Variants in CCDC7 observed in about 807,000 individuals in gnomAD.
CCDC7 encodes the protein coiled-coil domain containing 7, also known as coiled-coil domain-containing protein 7.
In CCDC7, 183 loss-of-function variants were observed where a neutral mutation model predicts 196.9. The observed-to-expected ratio is 0.93, with a 90% CI of 0.82 to 1.05. CCDC7 has a LOEUF of 1.05. CCDC7 is among the 50% of genes least tolerant of loss of function. The pLI, the probability that CCDC7 is intolerant of heterozygous loss-of-function variation, is 0.00. For synonymous variants in CCDC7, 525 were observed against 484.6 expected, an observed-to-expected ratio of 1.08 and a Z score of -1.10; for missense variants, 1,540 against 1,482.2, an observed-to-expected ratio of 1.04 and a Z score of -0.64.
At chr10:32,517,047 C>T (rs1426789242) in intron 9 of CCDC7, among the ~76,000 whole-genome samples, 4 of 152,128 alleles carry the variant, frequency 2.6e-5, no homozygotes, top group Non-Finnish European at 5.9e-5. Context: ...GGAACAATGT[C>T]ACCAAACTGT....
intron 13 of CCDC7, among the ~76,000 whole-genome samples, chr10:32,564,446 A>G (rs1347854561): frequency 6.6e-6 from 1 of 152,264 alleles, no homozygotes; most frequent in Non-Finnish European, 1.5e-5. Flanking sequence ...TGTTGCACAT[A>G]TACACCATGG....
chr10:32,676,799 G>GA (rs1465922691), intron 21 of CCDC7, among the ~76,000 whole-genome samples: 3 of 152,164 alleles, frequency 2.0e-5, no homozygotes, highest in Non-Finnish European at 2.9e-5. Flanking sequence ...ACCCATTGTG[G>GA]AAGGCAGTGT....
chr10:32,751,611 T>A (rs551155207), intron 28 of CCDC7, among the ~76,000 whole-genome samples: 2 of 152,172 alleles, frequency 1.3e-5, no homozygotes, highest in South Asian at 4.1e-4. Flanking sequence ...GGCTTTCATT[T>A]TAAAGCATAT....
intron 28 of CCDC7, among the ~76,000 whole-genome samples, chr10:32,773,225 G>A (rs1285086237): frequency 1.3e-5 from 2 of 152,140 alleles, no homozygotes; most frequent in African/African-American, 4.8e-5. Flanking sequence ...CCATGTTTGG[G>A]ATAATTTCAG....
chr10:32,700,798 TTTTA>T (rs1358979640), intron 24 of CCDC7, among the ~76,000 whole-genome samples: 1 of 152,200 alleles, frequency 6.6e-6, no homozygotes, highest in African/African-American at 2.4e-5. Flanking sequence ...TTCCTAGGTA[TTTTA>T]TTTTCTTTGA....
chr10:32,853,047 T>C (rs1593461666), intron 40 of CCDC7, among the ~76,000 whole-genome samples: 1 of 152,182 alleles, frequency 6.6e-6, no homozygotes. Flanking sequence ...GGGTTAGTCA[T>C]TGTTCATTAT....
chr10:32,802,964 A>G (rs1368533694), intron 29 of CCDC7, among the ~76,000 whole-genome samples: 2 of 152,364 alleles, frequency 1.3e-5, no homozygotes, highest in South Asian at 4.1e-4. Flanking sequence ...ACTGACTCAA[A>G]TGTTAATTTC....
rs192307059 is a variant in CCDC7 at position 32,565,471 on chromosome 10, A to G, written c.1135-87A>G. 55 of 1,362,372 alleles carry G rather than the reference A, an allele frequency of 4.0e-5. 1 individual carries two copies. In the East Asian group the frequency reaches 7.3e-4, roughly 18 times the overall value. 84.4% of individuals were successfully genotyped at this position (1,362,372 alleles called of 1,614,324 possible). A position where few individuals can be genotyped will look rare whatever the true frequency, so the allele number is the denominator to read the frequency against. On this transcript the variant is annotated intron_variant, in intron 13 of 41. Coordinates refer to ENST00000639629, the Ensembl canonical transcript of CCDC7. ...TGCTCAATTCTTATCTTGGGTATCT[A>G]TGGGTTTTGGAAAAGTAATACTGGT...
chr10:32,549,706 C>G (rs561407737), intron 13 of CCDC7, among the ~76,000 whole-genome samples: 38 of 152,162 alleles, frequency 2.5e-4, no homozygotes, highest in African/African-American at 8.9e-4. Flanking sequence ...TTTGCTTTGT[C>G]GAAGATCAGT....
At chr10:32,795,607 T>A (rs1007839210) in intron 29 of CCDC7, among the ~76,000 whole-genome samples, 9 of 152,222 alleles carry the variant, frequency 5.9e-5, no homozygotes, top group Admixed American at 5.2e-4. Flanking sequence ...GTTCCTTGTT[T>A]GCTGTTATTT....
At chr10:32,701,233 A>C (rs1400124657) in intron 24 of CCDC7, among the ~76,000 whole-genome samples, 1 of 152,182 alleles carries the variant, frequency 6.6e-6, no homozygotes, top group Admixed American at 6.5e-5. Context: ...ATGTCCCATC[A>C]ATACCTAATT....
chr10:32,825,856 T>G (rs2091035143), intron 32 of CCDC7, among the ~76,000 whole-genome samples: 2 of 152,116 alleles, frequency 1.3e-5, no homozygotes, highest in Admixed American at 1.3e-4. Flanking sequence ...AGTGAGGGCA[T>G]TGATTGAAAA....
At chr10:32,823,465 T>C (rs1409191687) in intron 31 of CCDC7, among the ~76,000 whole-genome samples, 1 of 152,182 alleles carries the variant, frequency 6.6e-6, no homozygotes, top group Non-Finnish European at 1.5e-5. Context: ...TACAATGATG[T>C]GTAATCTGGT....
intron 11 of CCDC7, among the ~76,000 whole-genome samples, chr10:32,530,733 A>C (rs1335270600): frequency 6.6e-6 from 1 of 152,034 alleles, no homozygotes; most frequent in Non-Finnish European, 1.5e-5. Flanking sequence ...TTCCTTTACA[A>C]TTTGGATTCC....
At position 32,728,993 on chromosome 10, in the gene CCDC7, C is replaced by G. The variant is rs371773173; in HGVS notation, c.2775C>G (p.His925Gln). ...AAATAAATTCTGGAGTGGAAAGACA[C>G]AAGAGTGAGTATAATAATTATCGAT... Residue 925 changes from histidine to glutamine, a missense_variant, in exon 27 of 42, where the codon CAC (histidine) becomes CAG (glutamine). Transcript: ENST00000639629. 16 of 1,561,118 alleles carry G rather than the reference C, an allele frequency of 1.0e-5. No individual in the cohort carries two copies. In the Middle Eastern group the frequency reaches 1.1e-3, roughly 106 times the overall value.
intron 24 of CCDC7, among the ~76,000 whole-genome samples, chr10:32,700,412 A>G (rs955614398): frequency 1.1e-4 from 16 of 140,178 alleles, no homozygotes; most frequent in Non-Finnish European, 5.9e-5. Flanking sequence ...CCATTGGTCT[A>G]TATCTCTGTT....
chr10:32,661,180 T>C (rs1316095152), intron 20 of CCDC7, among the ~76,000 whole-genome samples: 1 of 151,400 alleles, frequency 6.6e-6, no homozygotes, highest in African/African-American at 2.4e-5. Flanking sequence ...CAGACACTTC[T>C]CAAAAGAAGA....
Position 32,845,232 on chromosome 10 carries a change from T to G in CCDC7, c.3353-11T>G. The G allele has an allele frequency of 6.7e-7, 1 of 1,491,476 alleles. No individual in the cohort carries two copies. Among genetic ancestry groups the G allele is most frequent in the South Asian group, 1.2e-5 (1 of 81,146 alleles). 92.4% of individuals were successfully genotyped at this position (1,491,476 alleles called of 1,614,324 possible). On this transcript the variant is annotated splice_polypyrimidine_tract_variant and intron_variant, in intron 33 of 41. Coordinates refer to ENST00000639629, the Ensembl canonical transcript of CCDC7. ...TTTCAAAATATATTGATATCTGTTT[T>G]ATTTATATAGAGACTGATAAGGAAC... is the stretch of plus-strand genomic sequence containing the variant.
At position 32,462,889 on chromosome 10, in the gene CCDC7, G is replaced by A. The variant is rs141119129; in HGVS notation, c.478-128G>A. ...CATTCTGAATCCCAAGTGATGTTTC[G>A]GTCAGGGCTGATATTTGATGGATGA... On this transcript the variant is annotated intron_variant, in intron 4 of 41. Transcript: ENST00000639629. 2.6e-4 allele frequency: 371 copies of A among 1,418,402 alleles called. 1 individual carries two copies. In the African/African-American group the frequency reaches 4.3e-3, roughly 16 times the overall value. The allele number at this position is 1,418,402 out of a possible 1,614,324, so 87.9% of individuals were successfully genotyped here.
Sources: gnomAD v4.1 joint callset for allele counts (sites outside exome capture counted in the v4.1 genomes callset) on GRCh38, gnomAD v4.1.1 for gene constraint, MANE v1.5 for transcripts, NCBI Gene and HGNC (gene_info 2026-07-23, HGNC 2026-07-21) for gene names.